SEPTIN11: variants seen among roughly 807,000 people sequenced by gnomAD.
The protein encoded by SEPTIN11 is septin 11.
A neutral mutation model predicts 51.4 loss-of-function variants in SEPTIN11; 25 were observed. That is an observed-to-expected ratio of 0.49 (90% CI 0.35 to 0.68). The LOEUF (loss-of-function observed/expected upper bound fraction) is 0.68. SEPTIN11 is among the 30% of genes least tolerant of loss of function. The probability of loss-of-function intolerance (pLI) is 0.00; values close to 1 mark genes in which losing one functional copy is unlikely to be tolerated. For synonymous variants in SEPTIN11, 174 were observed against 184.1 expected (o/e 0.95, Z 0.44); for missense variants, 381 against 520.8 (o/e 0.73, Z 2.61).
Position 77,034,716 on chromosome 4 carries a change from G to C in SEPTIN11, c.*204G>C. On this transcript the variant is annotated 3_prime_UTR_variant, in exon 10 of 10. Transcript: ENST00000264893. ...ACAAGGGAATAACCGCGAATGCTCT[G>C]TGCAGCTGGACTCTGTTTCCGGAAA... The C allele has an allele frequency of 1.6e-6, 2 of 1,276,860 alleles. No homozygotes were observed. The highest frequency in any genetic ancestry group is 2.0e-6 in the Non-Finnish European group (2 of 1,008,354). 79.1% of individuals were successfully genotyped at this position (1,276,860 alleles called of 1,614,324 possible).
rs370308119 is a variant in SEPTIN11, at chr4:77,038,047, T to C, written c.*3535T>C. The C allele has an allele frequency of 1.0e-6, 1 of 985,868 alleles. No individual in the cohort carries two copies. The highest frequency in any genetic ancestry group is 1.7e-5 in the African/African-American group (1 of 57,350). 61.1% of individuals were successfully genotyped at this position (985,868 alleles called of 1,614,324 possible). On this transcript the variant is annotated 3_prime_UTR_variant, in exon 10 of 10. Transcript: ENST00000264893. ...ACCGACCCACGTCCTGCTGTCTCTGTGTGGTCCTACAAAAACTGTCCATTC... is the reference window on the plus strand; with the variant it reads ...ACCGACCCACGTCCTGCTGTCTCTGCGTGGTCCTACAAAAACTGTCCATTC...
At chr4:76,961,970 A>T (rs564828174) in intron 1 of SEPTIN11, among the ~76,000 whole-genome samples, 91 of 152,372 alleles carry the variant, frequency 6.0e-4, no homozygotes, top group Non-Finnish European at 1.1e-3. Flanking sequence ...ATGAAATATA[A>T]GTGCAAAAAT....
chr4:76,995,585 A>G (rs1234244822), intron 1 of SEPTIN11, among the ~76,000 whole-genome samples: 4 of 152,090 alleles, frequency 2.6e-5, no homozygotes, highest in Non-Finnish European at 5.9e-5. Flanking sequence ...ATTATAACTG[A>G]GGGACTGTAG....
intron 2 of SEPTIN11, among the ~76,000 whole-genome samples, chr4:76,998,153 A>G (rs1723863593): frequency 6.6e-6 from 1 of 152,212 alleles, no homozygotes; most frequent in African/African-American, 2.4e-5. Flanking sequence ...GGTGGGTTAC[A>G]ATACCTGTGA....
chr4:77,018,226 G>A (rs547569704), intron 5 of SEPTIN11, among the ~76,000 whole-genome samples: 50 of 151,970 alleles, frequency 3.3e-4, no homozygotes, highest in African/African-American at 6.3e-4. Flanking sequence ...CAAGGCGGGC[G>A]GATCACAAGG....
intron 1 of SEPTIN11, among the ~76,000 whole-genome samples, chr4:76,988,473 A>G (rs1247216843): frequency 6.6e-6 from 1 of 152,216 alleles, no homozygotes; most frequent in African/African-American, 2.4e-5. Flanking sequence ...ACAGATAACT[A>G]ACTTATACAG....
intron 8 of SEPTIN11, among the ~76,000 whole-genome samples, 170 bp downstream of exon 8, chr4:77,028,931 T>C (rs1345754545): frequency 6.6e-6 from 1 of 152,206 alleles, no homozygotes; most frequent in Non-Finnish European, 1.5e-5. Context: ...ATCCCTGTCT[T>C]ACAGATGATA....
intron 1 of SEPTIN11, among the ~76,000 whole-genome samples, chr4:76,981,798 G>T (rs1041925651): frequency 2.4e-4 from 36 of 151,372 alleles, no homozygotes; most frequent in African/African-American, 8.0e-4. Context: ...CTTACCATTT[G>T]GATGGTTGCC....
chr4:76,967,873 T>C (rs1722093454), intron 1 of SEPTIN11, among the ~76,000 whole-genome samples: 2 of 152,048 alleles, frequency 1.3e-5, no homozygotes, highest in African/African-American at 4.8e-5. Context: ...TTAAAACATA[T>C]AGATTGGTTG....
In SEPTIN11 at chr4:77,024,062, G is replaced by A. The variant is rs1725929344; in HGVS notation, c.953+3392G>A. ...GGCCCCACTTGTGTTTACAGTACAT[G>A]TTTGTAAAACAGAGAGTGACCTCTA... is the stretch of plus-strand genomic sequence containing the variant. On this transcript the variant is annotated intron_variant, in intron 7 of 9. Transcript: ENST00000264893. The surrounding 1 kb of genome is among the most constrained non-coding windows in gnomAD (Gnocchi z 4.2). Among the ~76,000 whole-genome samples the A allele has an allele frequency of 6.6e-6, 1 of 152,150 alleles. No homozygotes were observed. Among genetic ancestry groups the A allele is most frequent in the African/African-American group, 2.4e-5 (1 of 41,432 alleles).
intron 1 of SEPTIN11, among the ~76,000 whole-genome samples, chr4:76,973,342 C>A (rs892704879): frequency 1.3e-5 from 2 of 152,192 alleles, no homozygotes; most frequent in African/African-American, 2.4e-5. Flanking sequence ...CAGTCAGGTC[C>A]AGAGAAACCC....
At chr4:77,034,341 T>G (rs1387358962) in intron 9 of SEPTIN11, among the ~76,000 whole-genome samples, 156 bp from the exon 10 acceptor site, 1 of 152,244 alleles carries the variant, frequency 6.6e-6, no homozygotes, top group East Asian at 1.9e-4. Context: ...TCATGTAGAG[T>G]AGCCTTCTCA....
chr4:77,032,992 AT>A (rs1347573329), intron 9 of SEPTIN11, among the ~76,000 whole-genome samples: 1 of 152,050 alleles, frequency 6.6e-6, no homozygotes, highest in African/African-American at 2.4e-5. Context: ...ATATATTCTC[AT>A]TTATTTTGAA....
chr4:77,005,622 C>A lies in SEPTIN11; in HGVS notation c.164C>A (p.Ser55Tyr). 1 of 1,613,454 alleles carries A rather than the reference C, an allele frequency of 6.2e-7. No homozygotes were observed. The highest frequency in any genetic ancestry group is 8.5e-7 in the Non-Finnish European group (1 of 1,179,684). Residue 55 changes from serine to tyrosine, a missense_variant, in exon 3 of 10, where the codon TCC (serine) becomes TAC (tyrosine). Physicochemically the swap from Ser to Tyr is moderately radical, Grantham distance 144 (BLOSUM62 -2). Around this residue, in one of 2 missense-constraint regions of SEPTIN11, gnomAD observed 184 missense variants for 207.7 expected, o/e 0.89. Coordinates refer to ENST00000264893, the MANE Select transcript of SEPTIN11 (RefSeq NM_018243.4). Reference protein sequence around the residue: ...LCVGETGIGKSTLMDTLFNTK... With the variant: ...LCVGETGIGKYTLMDTLFNTK... Reference sequence around the variant, plus strand: ...GTAGGTGAGACAGGCATTGGCAAATCCACGTTAATGGACACTTTGTTCAAC... The same window carrying A: ...GTAGGTGAGACAGGCATTGGCAAATACACGTTAATGGACACTTTGTTCAAC...
intron 1 of SEPTIN11, among the ~76,000 whole-genome samples, chr4:76,958,494 A>G (rs1465125244): frequency 6.6e-6 from 1 of 152,082 alleles, no homozygotes; most frequent in Non-Finnish European, 1.5e-5. Context: ...CCCAGGACTC[A>G]CATGCATGCA....
chr4:77,032,408 A>G (rs773468776), intron 9 of SEPTIN11, among the ~76,000 whole-genome samples: 2 of 152,242 alleles, frequency 1.3e-5, no homozygotes, highest in Non-Finnish European at 2.9e-5. Context: ...CTTTGTAGCT[A>G]TGCATGTCGG....
chr4:76,968,508 A>T (rs1298630124), intron 1 of SEPTIN11, among the ~76,000 whole-genome samples: 2 of 152,228 alleles, frequency 1.3e-5, no homozygotes, highest in Non-Finnish European at 2.9e-5. Flanking sequence ...AAAACAAAAA[A>T]GGCAGATGTT....
At chr4:76,956,869 C>T (rs1721576888) in intron 1 of SEPTIN11, among the ~76,000 whole-genome samples, 1 of 151,766 alleles carries the variant, frequency 6.6e-6, no homozygotes, top group African/African-American at 2.4e-5. Flanking sequence ...TACTATGAAG[C>T]CAAGTCTTTA....
Position 76,949,928 on chromosome 4 carries a change from T to C in SEPTIN11, c.25T>C (p.Ser9Pro). The C allele has an allele frequency of 6.6e-7, 1 of 1,522,084 alleles. No homozygotes were observed. The highest frequency in any genetic ancestry group is 1.2e-5 in the South Asian group (1 of 80,766). 94.3% of individuals were successfully genotyped at this position (1,522,084 alleles called of 1,614,324 possible). The change falls in exon 1 of 10, where the codon TCT (serine) becomes CCT (proline). Residue 9 changes from serine to proline, a missense_variant and splice_region_variant. Ser to Pro is a moderately conservative substitution (Grantham distance 74, BLOSUM62 -1). Transcript: ENST00000264893. ...GATGGCCGTGGCCGTGGGGAGACCG[T>C]CTGTGAGTGCTGGGGCCTCGCCTGC... MAVAVGRP[S>P]NEELRNLSLS...
Sources: gnomAD v4.1 joint callset for allele counts (sites outside exome capture counted in the v4.1 genomes callset) on GRCh38, gnomAD v4.1.1 for gene constraint, gnomAD v4.1.1 regional missense constraint, Gnocchi (gnomAD v3.1) non-coding constraint, MANE v1.5 for transcripts, NCBI Gene and HGNC (gene_info 2026-07-23, HGNC 2026-07-21) for gene names.